Variants in CDH10 observed in about 807,000 individuals in gnomAD.
The protein encoded by CDH10 is cadherin 10.
In CDH10, 30 loss-of-function variants were observed where a neutral mutation model predicts 73.1. The ratio of observed to expected loss-of-function variants is 0.41; its 90% CI spans 0.31 to 0.56. The LOEUF (loss-of-function observed/expected upper bound fraction) is 0.56, where lower values mean the gene tolerates loss of function less well. Among genes scored for constraint, CDH10 ranks in the 20% least tolerant of loss-of-function variants. The pLI is 0.27. For synonymous variants in CDH10, 345 were observed against 348.2 expected (o/e 0.99, Z 0.10); for missense variants, 815 against 973.7 (o/e 0.84, Z 2.17).
chr5:24,577,076 TA>T (rs143483568), intron 2 of CDH10, among the ~76,000 whole-genome samples: 81,094 of 122,328 alleles, frequency 0.66, 23,207 homozygotes, highest in African/African-American at 0.74. Context: ...CAAAGTTATT[TA>T]AAAAAAAAAA....
intron 6 of CDH10, among the ~76,000 whole-genome samples, chr5:24,510,327 TAAG>T (rs962377212): frequency 1.1e-4 from 16 of 152,324 alleles, no homozygotes; most frequent in Admixed American, 9.1e-4. Context: ...ATATTCAAGA[TAAG>T]AAAAACCCTC....
At chr5:24,533,663 G>C (rs1277612665) in intron 5 of CDH10, among the ~76,000 whole-genome samples, 1 of 151,926 alleles carries the variant, frequency 6.6e-6, no homozygotes, top group Non-Finnish European at 1.5e-5. Context: ...CTGGTAAAAG[G>C]CTCGAGCTAA....
chr5:24,501,170 C>T (rs904835492), intron 8 of CDH10, among the ~76,000 whole-genome samples: 7 of 152,110 alleles, frequency 4.6e-5, no homozygotes, highest in African/African-American at 1.7e-4. Context: ...ATAAAAATAT[C>T]CCTTGTTGGT....
intron 9 of CDH10, 24 bp downstream of exon 9, chr5:24,498,374 A>G: frequency 6.5e-7 from 1 of 1,531,846 alleles, no homozygotes; most frequent in South Asian, 1.2e-5. Context: ...ATCTTTCCAG[A>G]GTTTTAATCC....
At chr5:24,568,811 C>A (rs1745256954) in intron 2 of CDH10, among the ~76,000 whole-genome samples, 1 of 152,038 alleles carries the variant, frequency 6.6e-6, no homozygotes, top group African/African-American at 2.4e-5. Context: ...ATGATTCAGA[C>A]TAAAAGAAAG....
At chr5:24,555,006 TC>T (rs1744715663) in intron 2 of CDH10, among the ~76,000 whole-genome samples, 1 of 152,108 alleles carries the variant, frequency 6.6e-6, no homozygotes, top group Non-Finnish European at 1.5e-5. Flanking sequence ...TCCCAGAACC[TC>T]CTTTAACATT....
Position 24,487,821 on chromosome 5 carries a change from C to G in CDH10, c.2209G>C (p.Ala737Pro), listed in dbSNP as rs2111602492. The change falls in exon 12 of 12, where the codon GCC becomes CCC. Residue 737 changes from alanine (A) to proline (P), a missense_variant. Physicochemically the swap from Ala to Pro is conservative, Grantham distance 27. This residue lies in a region of CDH10 where 241 missense variants were observed against 240.3 expected (regional missense o/e 1.00). Transcript: ENST00000264463. Reference protein sequence around the residue: ...APPYDSLATYAYEGNDSIAES... With the variant: ...APPYDSLATYPYEGNDSIAES... ...GCAATGGAATCATTTCCTTCATAGGCATAGGTTGCAAGTGAGTCGTAGGGG... is the reference window on the plus strand; with the variant it reads ...GCAATGGAATCATTTCCTTCATAGGGATAGGTTGCAAGTGAGTCGTAGGGG... 1 of 1,613,908 alleles carries G rather than the reference C, an allele frequency of 6.2e-7. No individual in the cohort carries two copies. Among genetic ancestry groups the G allele is most frequent in the Non-Finnish European group, 8.5e-7 (1 of 1,179,928 alleles).
chr5:24,599,227 G>T (rs949465223), intron 1 of CDH10, among the ~76,000 whole-genome samples: 27 of 152,106 alleles, frequency 1.8e-4, no homozygotes, highest in African/African-American at 5.6e-4. Flanking sequence ...TAGCAAGAAT[G>T]CTCTGAGGGT....
intron 1 of CDH10, among the ~76,000 whole-genome samples, chr5:24,608,539 T>C (rs9293144): frequency 0.31 from 47,853 of 152,014 alleles, 8,973 homozygotes; most frequent in African/African-American, 0.53. Context: ...GATCCGCCCG[T>C]CTCGACCTCC....
intron 5 of CDH10, among the ~76,000 whole-genome samples, chr5:24,528,217 CA>C (rs1040369903): frequency 2.6e-5 from 4 of 151,844 alleles, no homozygotes; most frequent in South Asian, 2.1e-4. Context: ...TAAGTAGGTT[CA>C]TTTTTTTTCT....
intron 2 of CDH10, among the ~76,000 whole-genome samples, chr5:24,573,570 G>A (rs1328730411): frequency 6.6e-6 from 1 of 151,218 alleles, no homozygotes; most frequent in Non-Finnish European, 1.5e-5. Flanking sequence ...GCGTGGTGGC[G>A]GGCACCTGTA....
intron 2 of CDH10, among the ~76,000 whole-genome samples, chr5:24,566,101 T>TAC (rs1745156793): frequency 1.3e-5 from 2 of 152,058 alleles, no homozygotes; most frequent in African/African-American, 4.8e-5. Context: ...CAGGCTGGAG[T>TAC]GGAGTGGTGC....
intron 5 of CDH10, among the ~76,000 whole-genome samples, chr5:24,530,153 T>A (rs2111854902): frequency 6.6e-6 from 1 of 151,820 alleles, no homozygotes; most frequent in East Asian, 1.9e-4. Flanking sequence ...TGCCTTTTTT[T>A]TTTCCTTGAA....
At chr5:24,588,256 T>C (rs552644854) in intron 2 of CDH10, among the ~76,000 whole-genome samples, 1 of 152,336 alleles carries the variant, frequency 6.6e-6, no homozygotes, top group Admixed American at 6.5e-5. Context: ...TATCTCTTCA[T>C]GTCCTATTCA....
intron 10 of CDH10, among the ~76,000 whole-genome samples, chr5:24,492,400 C>T (rs187819791): frequency 2.6e-4 from 40 of 152,296 alleles, no homozygotes; most frequent in Admixed American, 1.6e-3. Context: ...ACTGAATCAC[C>T]TCACAGGCTA....
chr5:24,492,702 A>G, intron 10 of CDH10, 115 bp downstream of exon 10: 3 of 584,596 alleles, frequency 5.1e-6, no homozygotes, highest in Non-Finnish European at 9.3e-6. Flanking sequence ...GATTAAAACA[A>G]AATTGTATAA....
At chr5:24,507,659 G>T (rs1742746465) in intron 7 of CDH10, among the ~76,000 whole-genome samples, 1 of 151,812 alleles carries the variant, frequency 6.6e-6, no homozygotes, top group Admixed American at 6.6e-5. Context: ...CTGAAACACA[G>T]AAGACAGCCT....
At chr5:24,518,481 A>T (rs1486456625) in intron 5 of CDH10, among the ~76,000 whole-genome samples, 1 of 152,152 alleles carries the variant, frequency 6.6e-6, no homozygotes, top group Non-Finnish European at 1.5e-5. Context: ...ATACACGTAA[A>T]TATATGAGTG....
intron 9 of CDH10, among the ~76,000 whole-genome samples, chr5:24,496,711 G>A (rs933094979): frequency 1.3e-5 from 2 of 152,128 alleles, no homozygotes; most frequent in African/African-American, 4.8e-5. Context: ...TAGGAACCCT[G>A]ACATTCTTCT....
Sources: gnomAD v4.1 joint callset for allele counts (sites outside exome capture counted in the v4.1 genomes callset) on GRCh38, gnomAD v4.1.1 for gene constraint, gnomAD v4.1.1 regional missense constraint, MANE v1.5 for transcripts, NCBI Gene and HGNC (gene_info 2026-07-23, HGNC 2026-07-21) for gene names.